Variants in KCTD9 observed in about 807,000 individuals in gnomAD.
The protein encoded by KCTD9 is potassium channel tetramerization domain containing 9.
A neutral mutation model predicts 53.3 loss-of-function variants in KCTD9; 17 were observed. The observed-to-expected ratio is 0.32, with a 90% CI of 0.22 to 0.48. KCTD9 has a LOEUF of 0.48. KCTD9 is among the 20% of genes least tolerant of loss of function. KCTD9 has a pLI of 0.99. For missense variants in KCTD9, 179 were observed against 465.5 expected (o/e 0.38, Z 5.66); for synonymous variants, 128 against 162.7 (o/e 0.79, Z 1.62).
intron 1 of KCTD9, among the ~76,000 whole-genome samples, chr8:25,457,055 G>A (rs1506871): frequency 6.6e-6 from 1 of 151,924 alleles, no homozygotes; most frequent in Non-Finnish European, 1.5e-5. Context: ...TCAAGAACTC[G>A]AATTTATACG....
intron 1 of KCTD9, among the ~76,000 whole-genome samples, chr8:25,446,711 T>C (rs1280626441): frequency 6.6e-6 from 1 of 152,212 alleles, no homozygotes; most frequent in Non-Finnish European, 1.5e-5. Context: ...CCTATTATGT[T>C]GTCCTTTTAT....
chr8:25,455,118 A>G (rs1802406523), intron 1 of KCTD9, among the ~76,000 whole-genome samples: 1 of 152,074 alleles, frequency 6.6e-6, no homozygotes, highest in South Asian at 2.1e-4. Flanking sequence ...CCAGCTAAGC[A>G]AGAGGCTGAG....
chr8:25,431,020 G>A (rs956769759), intron 11 of KCTD9, among the ~76,000 whole-genome samples: 3 of 151,942 alleles, frequency 2.0e-5, no homozygotes, highest in South Asian at 2.1e-4. Context: ...TAGTAGAGAC[G>A]GGGTTTCACC....
At chr8:25,437,730 C>A (rs1221027345) in intron 6 of KCTD9, among the ~76,000 whole-genome samples, 1 of 151,438 alleles carries the variant, frequency 6.6e-6, no homozygotes, top group Admixed American at 6.6e-5. Flanking sequence ...TGCCTGTAAT[C>A]CCATCTACTT....
In KCTD9 at chr8:25,444,342, A is replaced by G; in HGVS notation, c.171-7T>C. On this transcript the variant is annotated splice_region_variant and splice_polypyrimidine_tract_variant and intron_variant, in intron 2 of 11. Transcript: ENST00000221200. ...AAACAAAACATCATCATCCCTGGGG[A>G]AATCAAAATTTAAAAAGCTACCATC... is the stretch of plus-strand genomic sequence containing the variant. 6.2e-7 allele frequency: 1 copy of G among 1,606,458 alleles called. No homozygotes were observed.
At chr8:25,430,315 C>T (rs1801903297) in intron 11 of KCTD9, among the ~76,000 whole-genome samples, 1 of 152,148 alleles carries the variant, frequency 6.6e-6, no homozygotes, top group Non-Finnish European at 1.5e-5. Flanking sequence ...AAGAATCAGG[C>T]CACACAGCAG....
chr8:25,450,235 A>G, intron 1 of KCTD9: 1 of 747,810 alleles, frequency 1.3e-6, no homozygotes, highest in East Asian at 1.3e-4. Flanking sequence ...GGTCCAATAA[A>G]AAAAATTAAT....
chr8:25,451,820 C>T (rs892760575), intron 1 of KCTD9, among the ~76,000 whole-genome samples: 8 of 152,040 alleles, frequency 5.3e-5, no homozygotes, highest in Non-Finnish European at 8.8e-5. Context: ...TTCTTTTATA[C>T]CCACAAGATT....
At chr8:25,441,375 A>G (rs1466416244) in intron 3 of KCTD9, among the ~76,000 whole-genome samples, 1 of 152,180 alleles carries the variant, frequency 6.6e-6, no homozygotes, top group Admixed American at 6.5e-5. Context: ...TGAGCAATAC[A>G]AAAAGACTGA....
rs897387921 is a variant in KCTD9, at chr8:25,428,421, A to C, written c.*1436T>G. The C allele has an allele frequency of 5.2e-5, 8 of 152,536 alleles. No individual in the cohort carries two copies. The highest frequency in any genetic ancestry group is 1.7e-4 in the African/African-American group (7 of 41,424). The allele number at this position is 152,536 out of a possible 1,614,324, so 9.4% of individuals were successfully genotyped here. ...TTGCATATGTAGATATAGAAGAATA[A>C]GCTACGTAAATACTAAAGATATGTC... On this transcript the variant is annotated 3_prime_UTR_variant, in exon 12 of 12. Coordinates refer to ENST00000221200, the MANE Select transcript of KCTD9 (RefSeq NM_017634.4).
intron 6 of KCTD9, among the ~76,000 whole-genome samples, chr8:25,437,389 A>C (rs1802036522): frequency 6.6e-6 from 1 of 152,100 alleles, no homozygotes; most frequent in South Asian, 2.1e-4. Flanking sequence ...AGCCATAGAA[A>C]TACAAAAGAC....
At chr8:25,444,895 T>C (rs957209692) in intron 2 of KCTD9, among the ~76,000 whole-genome samples, 32 of 152,170 alleles carry the variant, frequency 2.1e-4, no homozygotes, top group Non-Finnish European at 4.4e-5. Flanking sequence ...CCCCAGATAC[T>C]GTATTGTGAA....
intron 11 of KCTD9, among the ~76,000 whole-genome samples, chr8:25,430,283 T>A (rs190612474): frequency 6.6e-6 from 1 of 152,186 alleles, no homozygotes; most frequent in East Asian, 1.9e-4. Flanking sequence ...GGCCACAGAC[T>A]GATACTGGTC....
intron 11 of KCTD9, among the ~76,000 whole-genome samples, chr8:25,430,838 C>T: frequency 7.4e-6 from 1 of 135,288 alleles, no homozygotes; most frequent in Non-Finnish European, 1.6e-5. Flanking sequence ...CACACACACA[C>T]ACACAATTTT....
intron 11 of KCTD9, among the ~76,000 whole-genome samples, chr8:25,431,870 T>A (rs1206201587): frequency 6.6e-6 from 1 of 152,198 alleles, no homozygotes; most frequent in Non-Finnish European, 1.5e-5. Context: ...ATGTGGCTAC[T>A]TAAATTTAAA....
chr8:25,448,084 C>G (rs545384249), intron 1 of KCTD9, among the ~76,000 whole-genome samples: 1 of 150,926 alleles, frequency 6.6e-6, no homozygotes, highest in Non-Finnish European at 1.5e-5. Flanking sequence ...GCCAAGATCA[C>G]GCCACTGCAC....
intron 1 of KCTD9, among the ~76,000 whole-genome samples, chr8:25,451,962 C>G (rs1324246688): frequency 1.3e-5 from 2 of 152,038 alleles, no homozygotes; most frequent in Non-Finnish European, 2.9e-5. Flanking sequence ...ATCTGGCTGT[C>G]TGCCTGGATC....
chr8:25,440,501 T>C, intron 4 of KCTD9, 76 bp downstream of exon 4: 1 of 959,200 alleles, frequency 1.0e-6, no homozygotes, highest in Non-Finnish European at 1.7e-6. Context: ...TTTAAGGAAA[T>C]CAGCAAATTG....
At chr8:25,434,480 C>T (rs1388987899) in intron 9 of KCTD9, among the ~76,000 whole-genome samples, 7 of 152,082 alleles carry the variant, frequency 4.6e-5, no homozygotes, top group African/African-American at 9.6e-5. Context: ...AGATGCCTCT[C>T]GACATTTCAC....
Sources: gnomAD v4.1 joint callset for allele counts (sites outside exome capture counted in the v4.1 genomes callset) on GRCh38, gnomAD v4.1.1 for gene constraint, MANE v1.5 for transcripts, NCBI Gene and HGNC (gene_info 2026-07-23, HGNC 2026-07-21) for gene names.